The following MTUS2 variants were observed in gnomAD, a reference collection of about 807,000 sequenced individuals.
MTUS2 encodes microtubule-associated tumor suppressor candidate 2.
A neutral mutation model predicts 114.1 loss-of-function variants in MTUS2; 40 were observed. That is an observed-to-expected ratio of 0.35 (90% confidence interval 0.27 to 0.46). The LOEUF is 0.46. Ranked by LOEUF, MTUS2 falls within the 20% of genes least tolerant of loss-of-function variation. MTUS2 has a pLI of 1.00. For synonymous variants in MTUS2, 688 were observed against 672.0 expected (o/e 1.02, Z -0.37); for missense variants, 1,679 against 1,705.4 (o/e 0.98, Z 0.27).
chr13:29,205,623 T>C (rs531542441), intron 5 of MTUS2, among the ~76,000 whole-genome samples: 3 of 152,356 alleles, frequency 2.0e-5, no homozygotes, highest in East Asian at 1.9e-4. Context: ...TGCATCCTCA[T>C]AGCTTAACTC....
chr13:29,062,361 A>G (rs1228580808), intron 4 of MTUS2, among the ~76,000 whole-genome samples: 1 of 152,242 alleles, frequency 6.6e-6, no homozygotes, highest in Admixed American at 6.5e-5. Context: ...TCACCAGGTT[A>G]GGATTCTGTG....
At chr13:29,391,542 AG>A (rs56871500) in intron 8 of MTUS2, among the ~76,000 whole-genome samples, 27,677 of 152,004 alleles carry the variant, frequency 0.18, 2,728 homozygotes, top group Middle Eastern at 0.25. Flanking sequence ...ACATGGCTTC[AG>A]GGGCAATATC....
intron 12 of MTUS2, among the ~76,000 whole-genome samples, chr13:29,494,732 A>G (rs565651058): frequency 7.9e-5 from 12 of 151,978 alleles, no homozygotes; most frequent in Admixed American, 2.6e-4. Context: ...GGGAACTTCT[A>G]TTTCTTAAAA....
At chr13:29,294,146 C>A (rs1898837760) in intron 6 of MTUS2, among the ~76,000 whole-genome samples, 2 of 152,062 alleles carry the variant, frequency 1.3e-5, no homozygotes, top group South Asian at 2.1e-4. Flanking sequence ...ACAAAAATAT[C>A]TCAAAGCCTC....
intron 7 of MTUS2, among the ~76,000 whole-genome samples, chr13:29,346,883 A>T (rs912489803): frequency 1.3e-5 from 2 of 149,802 alleles, no homozygotes; most frequent in African/African-American, 4.9e-5. Context: ...CAGCTCTCTA[A>T]ATTTGTCTTA....
At chr13:29,301,997 C>T (rs549271420) in intron 6 of MTUS2, among the ~76,000 whole-genome samples, 1 of 152,290 alleles carries the variant, frequency 6.6e-6, no homozygotes, top group East Asian at 1.9e-4. Flanking sequence ...GGGATTCACT[C>T]TCATGATTTA....
intron 2 of MTUS2, among the ~76,000 whole-genome samples, chr13:29,018,473 T>G (rs1566295717): frequency 1.3e-5 from 2 of 151,422 alleles, no homozygotes; most frequent in Admixed American, 1.3e-4. Context: ...ACTTCATGAT[T>G]TAGAAATGTA....
At chr13:29,293,807 A>T (rs561854504) in intron 6 of MTUS2, among the ~76,000 whole-genome samples, 1 of 152,284 alleles carries the variant, frequency 6.6e-6, no homozygotes, top group Non-Finnish European at 1.5e-5. Context: ...ATAACATGTC[A>T]TTAAAGGTAG....
intron 2 of MTUS2, among the ~76,000 whole-genome samples, chr13:28,871,019 T>C (rs962585882): frequency 1.3e-4 from 20 of 152,186 alleles, no homozygotes; most frequent in African/African-American, 4.8e-4. Context: ...TAGAAAGGTA[T>C]GAGAGACATG....
rs1400361308 is a variant in MTUS2 at position 29,504,247 on chromosome 13, C to T, written c.*1041C>T. 2 of 232,418 alleles carry T rather than the reference C, an allele frequency of 8.6e-6. No homozygotes were observed. The highest frequency in any genetic ancestry group is 2.2e-5 in the African/African-American group (1 of 45,278). 14.4% of individuals were successfully genotyped at this position (232,418 alleles called of 1,614,324 possible). ...TCACTCCAGCTTTCCATGTGGTTCACTCTGATGCGATGCTGTAAATGATCA... is the reference window on the plus strand; with the variant it reads ...TCACTCCAGCTTTCCATGTGGTTCATTCTGATGCGATGCTGTAAATGATCA... On this transcript the variant is annotated 3_prime_UTR_variant, in exon 16 of 16. Transcript: ENST00000612955.
At chr13:29,235,345 G>A (rs1400785625) in intron 5 of MTUS2, among the ~76,000 whole-genome samples, 1 of 151,970 alleles carries the variant, frequency 6.6e-6, no homozygotes, top group South Asian at 2.1e-4. Context: ...TGCCCTCCTC[G>A]GCCTCCCAAA....
At chr13:28,828,031 G>A (rs1184774245) in intron 1 of MTUS2, among the ~76,000 whole-genome samples, 1 of 152,172 alleles carries the variant, frequency 6.6e-6, no homozygotes, top group African/African-American at 2.4e-5. Context: ...GTCTTAATAA[G>A]CCTGGGAGCG....
intron 5 of MTUS2, among the ~76,000 whole-genome samples, chr13:29,222,302 T>A (rs1895940608): frequency 6.6e-6 from 1 of 152,234 alleles, no homozygotes; most frequent in South Asian, 2.1e-4. Flanking sequence ...TTTTAATTTT[T>A]ATAATTTTAG....
chr13:29,306,242 C>G (rs538977431), intron 6 of MTUS2, among the ~76,000 whole-genome samples: 13 of 152,282 alleles, frequency 8.5e-5, no homozygotes, highest in African/African-American at 3.1e-4. Flanking sequence ...CAGGGATGCC[C>G]TCTCTCACCA....
In MTUS2 at chr13:29,185,868, A is replaced by G. The variant is rs759108722; in HGVS notation, c.2644+84898A>G. 3.3e-5 allele frequency among the ~76,000 whole-genome samples: 5 copies of G among 152,082 alleles called. No individual in the cohort carries two copies. The East Asian group carries it at 9.7e-4, about 29-fold the overall frequency. ...TGTTGAATAAAAAGGACATTATAGAAGTTGAATAAAAAGGACATTATAGAA... is the reference window on the plus strand; with the variant it reads ...TGTTGAATAAAAAGGACATTATAGAGGTTGAATAAAAAGGACATTATAGAA... On this transcript the variant is annotated intron_variant, in intron 5 of 15. Coordinates refer to ENST00000612955, the MANE Select transcript of MTUS2 (RefSeq NM_001033602.4).
At chr13:29,130,596 T>A (rs1891719114) in intron 5 of MTUS2, among the ~76,000 whole-genome samples, 1 of 152,226 alleles carries the variant, frequency 6.6e-6, no homozygotes, top group Non-Finnish European at 1.5e-5. Context: ...ATTCATTATG[T>A]GTATTCAATT....
chr13:29,100,618 C>T (rs3751402), intron 4 of MTUS2, among the ~76,000 whole-genome samples, 155 bp from the exon 5 acceptor site: 43,727 of 152,010 alleles, frequency 0.29, 6,630 homozygotes, highest in East Asian at 0.6. Context: ...GGGCCTTTCT[C>T]TTCCAAGGTC....
At chr13:28,910,205 C>T (rs1429628241) in intron 2 of MTUS2, among the ~76,000 whole-genome samples, 2 of 152,058 alleles carry the variant, frequency 1.3e-5, no homozygotes, top group Non-Finnish European at 1.5e-5. Flanking sequence ...CTCTGGTAAC[C>T]ATCTTTCTAC....
intron 2 of MTUS2, among the ~76,000 whole-genome samples, chr13:28,930,969 G>A (rs79372540): frequency 6.6e-6 from 1 of 152,220 alleles, no homozygotes. Context: ...TAGAATAGTG[G>A]AGTGGGCAGA....
Sources: gnomAD v4.1 joint callset for allele counts (sites outside exome capture counted in the v4.1 genomes callset) on GRCh38, gnomAD v4.1.1 for gene constraint, MANE v1.5 for transcripts, NCBI Gene and HGNC (gene_info 2026-07-23, HGNC 2026-07-21) for gene names.